The following EPHA3 variants were observed in gnomAD, a reference collection of about 807,000 sequenced individuals.
EPHA3 encodes EPH receptor A3, also known as ephrin type-A receptor 3.
EPHA3 carries 42 observed loss-of-function variants against 107.1 expected under a neutral mutation model. The observed-to-expected ratio is 0.39, with a 90% confidence interval of 0.31 to 0.51. The LOEUF (loss-of-function observed/expected upper bound fraction) is 0.51, where lower values mean the gene tolerates loss of function less well. Ranked by LOEUF, EPHA3 falls within the 20% of genes least tolerant of loss-of-function variation. The pLI is 0.78. For synonymous variants in EPHA3, 461 were observed against 424.8 expected (o/e 1.09, Z -1.05); for missense variants, 1,183 against 1,211.2 (o/e 0.98, Z 0.35).
intron 3 of EPHA3, among the ~76,000 whole-genome samples, chr3:89,238,808 A>T (rs1704829087): frequency 6.6e-6 from 1 of 152,194 alleles, no homozygotes; most frequent in Non-Finnish European, 1.5e-5. Context: ...AATAGCAAAT[A>T]TTTAAAATTA....
intron 7 of EPHA3, among the ~76,000 whole-genome samples, chr3:89,405,275 T>C (rs1469167178): frequency 1.3e-5 from 2 of 152,116 alleles, no homozygotes; most frequent in Non-Finnish European, 2.9e-5. Flanking sequence ...GAGTGTTGCA[T>C]TGGGCAGGGA....
chr3:89,385,292 T>C (rs1708592791), intron 5 of EPHA3, among the ~76,000 whole-genome samples: 1 of 152,200 alleles, frequency 6.6e-6, no homozygotes, highest in African/African-American at 2.4e-5. Flanking sequence ...GGTTTGACTC[T>C]GTGTCCCACC....
intron 3 of EPHA3, among the ~76,000 whole-genome samples, chr3:89,222,443 G>A (rs371541812): frequency 6.8e-6 from 1 of 146,550 alleles, no homozygotes. Flanking sequence ...AGATGTACAT[G>A]CATACTTGTG....
chr3:89,297,516 A>G (rs192334087), intron 3 of EPHA3, among the ~76,000 whole-genome samples: 1 of 152,302 alleles, frequency 6.6e-6, no homozygotes, highest in African/African-American at 2.4e-5. Context: ...AAACAATTAC[A>G]AAAAGGAACA....
chr3:89,309,605 G>A (rs566675273), intron 3 of EPHA3, among the ~76,000 whole-genome samples: 2 of 152,096 alleles, frequency 1.3e-5, no homozygotes, highest in Non-Finnish European at 2.9e-5. Context: ...ATCCCATATT[G>A]GGGCACCAGA....
At chr3:89,303,094 C>T (rs1185607612) in intron 3 of EPHA3, among the ~76,000 whole-genome samples, 1 of 152,006 alleles carries the variant, frequency 6.6e-6, no homozygotes, top group African/African-American at 2.4e-5. Context: ...CAGGGTTTCA[C>T]CATGTTGCCC....
chr3:89,410,285 G>A (rs1709133724), intron 9 of EPHA3, among the ~76,000 whole-genome samples: 1 of 151,876 alleles, frequency 6.6e-6, no homozygotes, highest in African/African-American at 2.4e-5. Context: ...AAATTATTTA[G>A]TAATAGTAGT....
intron 2 of EPHA3, among the ~76,000 whole-genome samples, chr3:89,169,966 C>T (rs577787671): frequency 6.6e-6 from 1 of 152,164 alleles, no homozygotes; most frequent in South Asian, 2.1e-4. Context: ...ATTATAGCCT[C>T]GGCGGGGCGC....
chr3:89,415,119 T>C (rs892972200), intron 10 of EPHA3, among the ~76,000 whole-genome samples: 8 of 151,572 alleles, frequency 5.3e-5, no homozygotes, highest in African/African-American at 1.9e-4. Context: ...AGAGGGTTTG[T>C]ATTTACCAAG....
At chr3:89,266,710 C>T (rs1184009866) in intron 3 of EPHA3, among the ~76,000 whole-genome samples, 2 of 151,890 alleles carry the variant, frequency 1.3e-5, no homozygotes, top group Admixed American at 6.6e-5. Context: ...CTCCTTTGAT[C>T]TCTATAATTC....
chr3:89,458,795 A>G lies in EPHA3; in HGVS notation c.2690+8425A>G, dbSNP rs560159934. The stretch of plus-strand genomic sequence containing the variant: ...GAACCAACCCAAATGCCCATCAATG[A>G]TAGACTGAATAAAGAAAACGTAGCA... On this transcript the variant is annotated intron_variant, in intron 15 of 16. Coordinates refer to ENST00000336596, the MANE Select transcript of EPHA3 (RefSeq NM_005233.6). Among the ~76,000 whole-genome samples, 3 of 152,326 alleles carry G rather than the reference A, an allele frequency of 2.0e-5. No individual in the cohort carries two copies. In the East Asian group the frequency reaches 5.8e-4, roughly 29 times the overall value.
intron 3 of EPHA3, among the ~76,000 whole-genome samples, chr3:89,322,967 C>G (rs1177734209): frequency 6.6e-6 from 1 of 151,968 alleles, no homozygotes; most frequent in Non-Finnish European, 1.5e-5. Context: ...CTATTAATAA[C>G]ATACTTGGAA....
intron 7 of EPHA3, among the ~76,000 whole-genome samples, chr3:89,405,855 C>T (rs1319277343): frequency 6.6e-6 from 1 of 152,070 alleles, no homozygotes; most frequent in Non-Finnish European, 1.5e-5. Flanking sequence ...GATTAGGATG[C>T]TTATGGAGTT....
chr3:89,192,760 A>G (rs1318129869), intron 2 of EPHA3, among the ~76,000 whole-genome samples: 1 of 152,060 alleles, frequency 6.6e-6, no homozygotes, highest in East Asian at 1.9e-4. Flanking sequence ...TTTAGGTGTC[A>G]TAAAGCTCTA....
intron 15 of EPHA3, among the ~76,000 whole-genome samples, chr3:89,450,864 C>A (rs1447621931): frequency 6.6e-6 from 1 of 152,146 alleles, no homozygotes; most frequent in Non-Finnish European, 1.5e-5. Flanking sequence ...TGATATCATG[C>A]CACTGCACTC....
chr3:89,307,567 T>G (rs1706654233), intron 3 of EPHA3, among the ~76,000 whole-genome samples: 1 of 152,130 alleles, frequency 6.6e-6, no homozygotes, highest in Non-Finnish European at 1.5e-5. Context: ...GGATCATCTC[T>G]CTCTCATTTT....
intron 2 of EPHA3, among the ~76,000 whole-genome samples, chr3:89,150,055 A>C (rs1704655885): frequency 1.3e-5 from 2 of 152,080 alleles, no homozygotes; most frequent in South Asian, 4.1e-4. Context: ...GTGGTTGTAC[A>C]TCCATTTCCT....
chr3:89,296,225 G>T (rs1281896065), intron 3 of EPHA3, among the ~76,000 whole-genome samples: 3 of 152,178 alleles, frequency 2.0e-5, no homozygotes, highest in African/African-American at 7.2e-5. Flanking sequence ...ATCTAGAATG[G>T]TGAATTTTTT....
intron 2 of EPHA3, among the ~76,000 whole-genome samples, chr3:89,159,142 C>G (rs1259638422): frequency 6.6e-6 from 1 of 151,948 alleles, no homozygotes; most frequent in Non-Finnish European, 1.5e-5. Flanking sequence ...TTCATTAAGT[C>G]AATATTTATC....
Sources: gnomAD v4.1 joint callset for allele counts (sites outside exome capture counted in the v4.1 genomes callset) on GRCh38, gnomAD v4.1.1 for gene constraint, MANE v1.5 for transcripts, NCBI Gene and HGNC (gene_info 2026-07-23, HGNC 2026-07-21) for gene names.